The following ADAMTS2 variants were observed in gnomAD, a reference collection of about 807,000 sequenced individuals.
The protein encoded by ADAMTS2 is ADAM metallopeptidase with thrombospondin type 1 motif 2, also known as A disintegrin and metalloproteinase with thrombospondin motifs 2.
A neutral mutation model predicts 123.0 loss-of-function variants in ADAMTS2; 50 were observed. That is an observed-to-expected ratio of 0.41 (90% CI 0.32 to 0.51). The LOEUF is 0.51. ADAMTS2 is among the 20% of genes least tolerant of loss of function. The pLI, the probability that ADAMTS2 is intolerant of heterozygous loss-of-function variation, is 0.35. For missense variants in ADAMTS2, 1,494 were observed against 1,705.2 expected (o/e 0.88, Z 2.18); for synonymous variants, 678 against 695.4 (o/e 0.98, Z 0.39).
intron 5 of ADAMTS2, among the ~76,000 whole-genome samples, chr5:179,177,104 A>G (rs938700792): frequency 3.3e-5 from 5 of 152,228 alleles, no homozygotes; most frequent in African/African-American, 1.2e-4. Flanking sequence ...CTGAGGACAG[A>G]GACTATGCCA....
intron 2 of ADAMTS2, among the ~76,000 whole-genome samples, chr5:179,322,324 G>C (rs1757206800): frequency 6.6e-6 from 1 of 152,190 alleles, no homozygotes. Flanking sequence ...TGCCTTCTTT[G>C]AATCAGTCCT....
intron 3 of ADAMTS2, among the ~76,000 whole-genome samples, chr5:179,261,705 C>T (rs1031745728): frequency 2.2e-4 from 34 of 152,212 alleles, no homozygotes; most frequent in Admixed American, 2.0e-3. Flanking sequence ...GACAGGAAGG[C>T]TCTGCCTGCA....
At chr5:179,339,209 C>A (rs916014551) in intron 2 of ADAMTS2, among the ~76,000 whole-genome samples, 2 of 152,226 alleles carry the variant, frequency 1.3e-5, no homozygotes, top group Non-Finnish European at 2.9e-5. Context: ...AGGCCCGCAT[C>A]ACAGCCATGG....
At chr5:179,296,507 C>T (rs1016027893) in intron 2 of ADAMTS2, among the ~76,000 whole-genome samples, 2 of 152,070 alleles carry the variant, frequency 1.3e-5, no homozygotes, top group African/African-American at 4.8e-5. Context: ...GGGGCTGGAC[C>T]CAGCAATTCA....
In ADAMTS2 at chr5:179,113,070, A is replaced by T. The variant is rs1438584426; in HGVS notation, c.*797T>A. 6.6e-6 allele frequency: 1 copy of T among 152,508 alleles called. No homozygotes were observed. Among genetic ancestry groups the T allele is most frequent in the Admixed American group, 6.5e-5 (1 of 15,296 alleles). 9.4% of individuals were successfully genotyped at this position (152,508 alleles called of 1,614,324 possible). On this transcript the variant is annotated 3_prime_UTR_variant, in exon 22 of 22. Coordinates refer to ENST00000251582, the MANE Select transcript of ADAMTS2 (RefSeq NM_014244.5). Reference sequence around the variant, plus strand: ...GATGCCGTACAGCATGAGCACCAAGAAGGTCAGAAGGCCTTTAGTTCTTAA... The same window carrying T: ...GATGCCGTACAGCATGAGCACCAAGTAGGTCAGAAGGCCTTTAGTTCTTAA...
At chr5:179,344,898 G>A (rs560752719) in intron 1 of ADAMTS2, among the ~76,000 whole-genome samples, 2 of 152,244 alleles carry the variant, frequency 1.3e-5, no homozygotes, top group Admixed American at 1.3e-4. Context: ...ACCCGCTGGG[G>A]CTGACTCTGC....
chr5:179,330,916 G>A (rs2127459354), intron 2 of ADAMTS2, among the ~76,000 whole-genome samples: 1 of 152,332 alleles, frequency 6.6e-6, no homozygotes, highest in South Asian at 2.1e-4. Context: ...AAGGAGAGGA[G>A]ACATGAATTC....
Position 179,207,630 on chromosome 5 carries a change from G to C in ADAMTS2, c.774C>G (p.Arg258=). The change falls in exon 4 of 22, where the codon CGC becomes CGG. Residue 258 remains arginine, a synonymous_variant. Transcript: ENST00000251582. Reference sequence around the variant, plus strand: ...TGTAGTCATCGTCCGCAGCATGCCTGCGTGCCCTCCGCCTCGAGCTGTTGG... The same window carrying C: ...TGTAGTCATCGTCCGCAGCATGCCTCCGTGCCCTCCGCCTCGAGCTGTTGG... ...EHANSSRRRA[R]RHAADDDYNI... is the part of the protein sequence containing the mutation. 6.2e-7 allele frequency: 1 copy of C among 1,613,838 alleles called. No homozygotes were observed. Among genetic ancestry groups the C allele is most frequent in the Non-Finnish European group, 8.5e-7 (1 of 1,180,030 alleles).
At position 179,339,637 on chromosome 5, in the gene ADAMTS2, G is replaced by A. The variant is rs147545029; in HGVS notation, c.534+4130C>T. On this transcript the variant is annotated intron_variant, in intron 2 of 21. Transcript: ENST00000251582. ...CCACAGGAGCCTCTGCTCCTACCTG[G>A]GGAGCCCCGACACCCTAGGGAACCC... Among the ~76,000 whole-genome samples, 557 of 152,326 alleles carry A rather than the reference G, an allele frequency of 3.7e-3. 7 individuals are homozygous for A. Among genetic ancestry groups the A allele is most frequent in the African/African-American group, 0.013 (526 of 41,580 alleles).
chr5:179,267,904 C>A (rs115641951), intron 3 of ADAMTS2, among the ~76,000 whole-genome samples: 158 of 152,334 alleles, frequency 1.0e-3, no homozygotes, highest in African/African-American at 3.7e-3. Flanking sequence ...ACTCCCCAGA[C>A]CCCTGAGGCC....
At chr5:179,257,141 C>T (rs1475262916) in intron 3 of ADAMTS2, among the ~76,000 whole-genome samples, 1 of 152,220 alleles carries the variant, frequency 6.6e-6, no homozygotes, top group African/African-American at 2.4e-5. Context: ...GAGGTGGTTC[C>T]TACAGGCCTG....
chr5:179,330,578 G>A (rs1338134041), intron 2 of ADAMTS2, among the ~76,000 whole-genome samples: 1 of 152,222 alleles, frequency 6.6e-6, no homozygotes, highest in Non-Finnish European at 1.5e-5. Flanking sequence ...CAGACACCTG[G>A]CACACATTTC....
chr5:179,324,342 T>A (rs1330163327), intron 2 of ADAMTS2, among the ~76,000 whole-genome samples: 2 of 152,122 alleles, frequency 1.3e-5, no homozygotes, highest in Admixed American at 1.3e-4. Context: ...TAAGGTATAA[T>A]AATGATTAAA....
chr5:179,261,842 G>A (rs919904161), intron 3 of ADAMTS2, among the ~76,000 whole-genome samples: 5 of 152,138 alleles, frequency 3.3e-5, no homozygotes, highest in Admixed American at 6.5e-5. Context: ...GGGGAAGCTG[G>A]ACCGGTCCTG....
In ADAMTS2 at chr5:179,122,668, T is replaced by A. The variant is rs1434954526; in HGVS notation, c.3064A>T (p.Thr1022Ser). ...CGGGGACAGGGGCCAAGCCTGCAGG[T>A]CCTCGCTGTCTCAGGACGCTCCTCC... ...CQEERPETAR[T>S]CRLGPCPRNI... Residue 1022 changes from threonine (T) to serine (S), a missense_variant, in exon 20 of 22, where the codon ACC (threonine) becomes TCC (serine). Thr to Ser is a moderately conservative substitution (Grantham distance 58). This residue lies in a region of ADAMTS2 where 953 missense variants were observed against 1,124.7 expected (regional missense o/e 0.85). Coordinates refer to ENST00000251582, the MANE Select transcript of ADAMTS2 (RefSeq NM_014244.5). 5.2e-6 allele frequency: 8 copies of A among 1,551,286 alleles called. No homozygotes were observed. Among genetic ancestry groups the A allele is most frequent in the Non-Finnish European group, 7.0e-6 (8 of 1,147,520 alleles).
At chr5:179,302,937 G>A (rs1447552025) in intron 2 of ADAMTS2, among the ~76,000 whole-genome samples, 13 of 150,104 alleles carry the variant, frequency 8.7e-5, no homozygotes, top group African/African-American at 2.5e-4. Flanking sequence ...GGGCGGGGGC[G>A]AGGGACAGGA....
Position 179,154,867 on chromosome 5 carries a change from G to A in ADAMTS2, c.1185C>T (p.Asn395=), listed in dbSNP as rs779543980. The A allele has an allele frequency of 2.3e-5, 37 of 1,613,680 alleles. No homozygotes were observed. The highest frequency in any genetic ancestry group is 3.1e-5 in the Non-Finnish European group (36 of 1,179,958). ...MCHPVRSCTL[N]HEDGFSSAFV... is the part of the protein sequence containing the mutation. ...ACGCTGAGGAGAAGCCGTCCTCATG[G>A]TTCAGGGTGCAGCTGCGGACCGGAT... The change falls in exon 7 of 22, where the codon AAC becomes AAT. Residue 395 remains asparagine, a synonymous_variant. Coordinates refer to ENST00000251582, the MANE Select transcript of ADAMTS2 (RefSeq NM_014244.5).
intron 3 of ADAMTS2, among the ~76,000 whole-genome samples, chr5:179,258,711 C>A (rs1442825410): frequency 6.6e-6 from 1 of 152,188 alleles, no homozygotes; most frequent in East Asian, 1.9e-4. Flanking sequence ...CCGGATCCCA[C>A]AGAGGAAATG....
chr5:179,137,706 C>CA, intron 12 of ADAMTS2, 63 bp downstream of exon 12: 1 of 1,494,644 alleles, frequency 6.7e-7, no homozygotes. Flanking sequence ...GCACAAGCCC[C>CA]CACCCTGCCC....
Sources: allele counts gnomAD v4.1 joint callset (sites outside exome capture counted in the v4.1 genomes callset), GRCh38; gene constraint gnomAD v4.1.1; regional missense constraint gnomAD v4.1.1; transcripts MANE v1.5; gene names NCBI Gene and HGNC (gene_info 2026-07-23, HGNC 2026-07-21).